AKAP9: variants seen among roughly 807,000 people sequenced by gnomAD.
The protein encoded by AKAP9 is A-kinase anchoring protein 9.
In AKAP9, 311 loss-of-function variants were observed where a neutral mutation model predicts 488.5. That is an observed-to-expected ratio of 0.64 (90% confidence interval 0.58 to 0.70). The LOEUF (loss-of-function observed/expected upper bound fraction) is 0.70. AKAP9 is among the 30% of genes least tolerant of loss of function. AKAP9 has a pLI of 0.00. For synonymous variants in AKAP9, 1,462 were observed against 1,483.5 expected, an observed-to-expected ratio of 0.99 and a Z score of 0.33; for missense variants, 4,215 against 4,374.5, an observed-to-expected ratio of 0.96 and a Z score of 1.03.
At chr7:92,025,407 A>G (rs1038193657) in intron 14 of AKAP9, among the ~76,000 whole-genome samples, 6 of 152,170 alleles carry the variant, frequency 3.9e-5, no homozygotes, top group African/African-American at 7.2e-5. Flanking sequence ...CCCTACCAAA[A>G]AGAGTTTTAC....
At chr7:91,954,901 A>G (rs146716706) in intron 1 of AKAP9, among the ~76,000 whole-genome samples, 305 of 152,364 alleles carry the variant, frequency 2.0e-3, no homozygotes, top group Admixed American at 5.1e-3. Context: ...GGATGATTCA[A>G]TGCCAGAAGG....
chr7:92,000,381 T>C (rs1235171287), intron 7 of AKAP9, among the ~76,000 whole-genome samples: 1 of 152,202 alleles, frequency 6.6e-6, no homozygotes. Context: ...TCTTTTTCCA[T>C]AGCCCTTGCC....
At chr7:92,015,167 G>T (rs1327872665) in intron 10 of AKAP9, among the ~76,000 whole-genome samples, 1 of 152,138 alleles carries the variant, frequency 6.6e-6, no homozygotes, top group Non-Finnish European at 1.5e-5. Context: ...CTAGAAGTTG[G>T]TGGTGGTAAT....
At chr7:92,078,025 C>A (rs1812898403) in intron 30 of AKAP9, 150 bp downstream of exon 30, 2 of 504,916 alleles carry the variant, frequency 4.0e-6, no homozygotes, top group Admixed American at 4.3e-5. Flanking sequence ...GAGACAGAAT[C>A]TCGCTCTGTC....
chr7:91,986,015 G>A (rs965107063), intron 3 of AKAP9, among the ~76,000 whole-genome samples: 11 of 152,048 alleles, frequency 7.2e-5, no homozygotes, highest in African/African-American at 2.7e-4. Flanking sequence ...TTGTACCTCT[G>A]GTAGAATTTG....
intron 1 of AKAP9, 143 bp from the exon 2 acceptor site, chr7:91,973,568 A>C: frequency 2.3e-6 from 2 of 877,354 alleles, no homozygotes; most frequent in Non-Finnish European, 3.5e-6. Context: ...TACATTAAAG[A>C]CTGTAATAAT....
chr7:91,985,390 G>C (rs1335404070), intron 3 of AKAP9, among the ~76,000 whole-genome samples: 1 of 152,012 alleles, frequency 6.6e-6, no homozygotes, highest in Non-Finnish European at 1.5e-5. Flanking sequence ...TTTTGTCTTT[G>C]GTTCTGTTTA....
chr7:92,004,599 C>T (rs1455961569), intron 8 of AKAP9, among the ~76,000 whole-genome samples: 1 of 152,058 alleles, frequency 6.6e-6, no homozygotes, highest in Non-Finnish European at 1.5e-5. Flanking sequence ...GGAGTTCACT[C>T]ATGATTTGGC....
At chr7:92,094,948 A>G in intron 39 of AKAP9, 75 bp from the exon 40 acceptor site, 2 of 1,350,698 alleles carry the variant, frequency 1.5e-6, no homozygotes, top group Admixed American at 3.5e-5. Flanking sequence ...TTATCAGTAG[A>G]AGCTGTTTTT....
rs1450376606 is a variant in AKAP9 at position 92,022,398 on chromosome 7, A to G, written c.3952+46A>G. 4 of 1,337,808 alleles carry G rather than the reference A, an allele frequency of 3.0e-6. No homozygotes were observed. The South Asian group carries it at 4.7e-5, about 16-fold the overall frequency. The allele number at this position is 1,337,808 out of a possible 1,614,324, so 82.9% of individuals were successfully genotyped here. A position where few individuals can be genotyped will look rare whatever the true frequency, so the allele number is the denominator to read the frequency against. On this transcript the variant is annotated intron_variant, in intron 13 of 49. Transcript: ENST00000356239. ...ACAATGTGGTGTTTTTATAGCAAAT[A>G]TTGAGTAATTTGCTTTTTTACTTTA...
chr7:92,045,836 T>C (rs1199361353), intron 21 of AKAP9, among the ~76,000 whole-genome samples: 4 of 142,972 alleles, frequency 2.8e-5, no homozygotes, highest in East Asian at 2.0e-4. Flanking sequence ...GTTTCTTTTT[T>C]TTTTTTTTTT....
chr7:92,088,121 A>G (rs938000617), intron 37 of AKAP9, among the ~76,000 whole-genome samples: 1 of 152,182 alleles, frequency 6.6e-6, no homozygotes, highest in African/African-American at 2.4e-5. Flanking sequence ...TTCTTTAATT[A>G]CCAGGGAAAA....
intron 21 of AKAP9, among the ~76,000 whole-genome samples, chr7:92,052,004 A>G (rs758425172): frequency 6.6e-6 from 1 of 152,182 alleles, no homozygotes; most frequent in Non-Finnish European, 1.5e-5. Flanking sequence ...AGAAATAAGA[A>G]TAGTGTGGGT....
At chr7:92,107,530 T>C in intron 48 of AKAP9, 108 bp downstream of exon 48, 1 of 1,105,082 alleles carries the variant, frequency 9.0e-7, no homozygotes, top group Non-Finnish European at 1.3e-6. Context: ...ATAGACATCT[T>C]TGTTATATAT....
chr7:91,986,379 C>T (rs941865041), intron 3 of AKAP9, among the ~76,000 whole-genome samples: 2 of 152,150 alleles, frequency 1.3e-5, no homozygotes, highest in Non-Finnish European at 1.5e-5. Context: ...TGCCCTGCTT[C>T]GGCTCACCCT....
In AKAP9 at chr7:91,995,599, T is replaced by C. The variant is rs1798299182; in HGVS notation, c.733-4T>C. 1 of 1,613,760 alleles carries C rather than the reference T, an allele frequency of 6.2e-7. No individual in the cohort carries two copies. The highest frequency in any genetic ancestry group is 1.3e-5 in the African/African-American group (1 of 74,902). On this transcript the variant is annotated splice_region_variant and splice_polypyrimidine_tract_variant and intron_variant, in intron 6 of 49. Transcript: ENST00000356239. ...AACGTTTTGAGGTTTCTTTCTATTT[T>C]CAGTTACAGGCTAGTGAAACTCTGA... is the stretch of plus-strand genomic sequence containing the variant.
At chr7:91,984,627 C>T (rs1796837442) in intron 3 of AKAP9, among the ~76,000 whole-genome samples, 1 of 152,060 alleles carries the variant, frequency 6.6e-6, no homozygotes, top group Non-Finnish European at 1.5e-5. Flanking sequence ...TTTTTTGGTT[C>T]CATATGAACT....
At chr7:92,029,182 C>T (rs1350923949) in intron 14 of AKAP9, among the ~76,000 whole-genome samples, 1 of 149,450 alleles carries the variant, frequency 6.7e-6, no homozygotes, top group Admixed American at 6.7e-5. Flanking sequence ...CTAAGTTAAG[C>T]GTTTTAAGAA....
chr7:92,012,016 G>C (rs1173512125), intron 8 of AKAP9, among the ~76,000 whole-genome samples: 1 of 152,194 alleles, frequency 6.6e-6, no homozygotes, highest in Non-Finnish European at 1.5e-5. Flanking sequence ...TGGGAGGATC[G>C]CTTGAACCCA....
Sources: allele counts gnomAD v4.1 joint callset (sites outside exome capture counted in the v4.1 genomes callset), GRCh38; gene constraint gnomAD v4.1.1; transcripts MANE v1.5; gene names NCBI Gene and HGNC (gene_info 2026-07-23, HGNC 2026-07-21).